NIPBL: variants seen among roughly 807,000 people sequenced by gnomAD.
The protein encoded by NIPBL is nipped-B-like protein.
NIPBL carries 19 observed loss-of-function variants against 321.8 expected under a neutral mutation model. The ratio of observed to expected loss-of-function variants is 0.06; its 90% CI spans 0.04 to 0.09. The LOEUF (loss-of-function observed/expected upper bound fraction) is 0.09, where lower values mean the gene tolerates loss of function less well. Among genes scored for constraint, NIPBL ranks in the 10% least tolerant of loss-of-function variants. The probability of loss-of-function intolerance (pLI) is 1.00; values close to 1 mark genes in which losing one functional copy is unlikely to be tolerated. For synonymous variants in NIPBL, 1,106 were observed against 1,114.1 expected (o/e 0.99, Z 0.14); for missense variants, 2,210 against 3,327.0 (o/e 0.66, Z 8.26).
chr5:36,959,220 AAAAT>A (rs796758703), intron 4 of NIPBL, among the ~76,000 whole-genome samples: 1 of 152,212 alleles, frequency 6.6e-6, no homozygotes, highest in African/African-American at 2.4e-5. Context: ...ACAAAAAGAA[AAAAT>A]AAATAAAATA....
Position 37,016,530 on chromosome 5 carries a change from G to A in NIPBL, c.4776+360G>A, listed in dbSNP as rs575742668. 2.6e-5 allele frequency among the ~76,000 whole-genome samples: 4 copies of A among 152,066 alleles called. No individual in the cohort carries two copies. In the South Asian group the frequency reaches 8.3e-4, roughly 32 times the overall value. ...CATCTTTAAGAGTATTTCTACAAAT[G>A]TATGGCATTTTGTAGTCGTCATGTA... On this transcript the variant is annotated intron_variant, in intron 23 of 46. Coordinates refer to ENST00000282516, the MANE Select transcript of NIPBL (RefSeq NM_133433.4).
chr5:36,994,851 T>C (rs1227032395), intron 10 of NIPBL, among the ~76,000 whole-genome samples: 2 of 146,066 alleles, frequency 1.4e-5, no homozygotes, highest in African/African-American at 2.7e-5. Flanking sequence ...ATGGCTCTTA[T>C]TGTCTTGTCT....
intron 45 of NIPBL, among the ~76,000 whole-genome samples, chr5:37,061,592 G>C (rs1288902619): frequency 6.6e-6 from 1 of 152,068 alleles, no homozygotes; most frequent in Non-Finnish European, 1.5e-5. Flanking sequence ...GGCAGGAGAA[G>C]TGCTTGAGCC....
In NIPBL at chr5:37,002,687, A is replaced by G; in HGVS notation, c.3690A>G (p.Glu1230=). 1 of 1,612,176 alleles carries G rather than the reference A, an allele frequency of 6.2e-7. No individual in the cohort carries two copies. Among genetic ancestry groups the G allele is most frequent in the Non-Finnish European group, 8.5e-7 (1 of 1,178,536 alleles). The change falls in exon 15 of 47, where the codon GAA becomes GAG. Residue 1230 remains glutamate, a synonymous_variant. Transcript: ENST00000282516. ...GTGATGATGATGAAATTCCTCAGGAACTGCTCTTAGGAAAACATCAGCTTA... is the reference window on the plus strand; with the variant it reads ...GTGATGATGATGAAATTCCTCAGGAGCTGCTCTTAGGAAAACATCAGCTTA... ...AFGDDDEIPQ[E]LLLGKHQLNE...
intron 2 of NIPBL, chr5:36,954,943 A>G (rs1740775592): frequency 6.5e-6 from 1 of 154,060 alleles, no homozygotes; most frequent in African/African-American, 2.4e-5. Flanking sequence ...ACAACTAGGA[A>G]TTTGGAATTT....
At chr5:36,933,678 A>C (rs918091962) in intron 1 of NIPBL, among the ~76,000 whole-genome samples, 1 of 152,136 alleles carries the variant, frequency 6.6e-6, no homozygotes, top group African/African-American at 2.4e-5. Context: ...TTCAGACACC[A>C]GTAGTGAAAA....
intron 10 of NIPBL, among the ~76,000 whole-genome samples, chr5:36,994,021 A>G (rs1269095480): frequency 2.0e-5 from 3 of 152,206 alleles, no homozygotes; most frequent in Non-Finnish European, 4.4e-5. Context: ...AGAGATATTC[A>G]AAGACTTTAT....
rs1750057184 is a variant in NIPBL, at chr5:37,024,725, G to A, written c.5709+6G>A. 1 of 1,605,598 alleles carries A rather than the reference G, an allele frequency of 6.2e-7. No individual in the cohort carries two copies. The highest frequency in any genetic ancestry group is 1.1e-5 in the South Asian group (1 of 89,630). On this transcript the variant is annotated splice_donor_region_variant and intron_variant, in intron 30 of 46. Coordinates refer to ENST00000282516, the MANE Select transcript of NIPBL (RefSeq NM_133433.4). ...ATGATGAAGAGGGCATTAAGGTAGT[G>A]TTGACTGTTTTAAATTTATTTTTCA...
chr5:36,930,131 A>G (rs1249729757), intron 1 of NIPBL, among the ~76,000 whole-genome samples: 1 of 152,084 alleles, frequency 6.6e-6, no homozygotes, highest in Non-Finnish European at 1.5e-5. Context: ...GGATTTTGAA[A>G]AAGATTATGT....
intron 1 of NIPBL, among the ~76,000 whole-genome samples, chr5:36,927,640 C>G (rs1471035917): frequency 3.9e-5 from 6 of 152,068 alleles, no homozygotes; most frequent in Non-Finnish European, 7.4e-5. Flanking sequence ...AATGAGTTGT[C>G]TTTAATCAAA....
chr5:37,002,473 C>G (rs1034966675), intron 14 of NIPBL, among the ~76,000 whole-genome samples, 189 bp from the exon 15 acceptor site: 2 of 152,172 alleles, frequency 1.3e-5, no homozygotes, highest in African/African-American at 4.8e-5. Flanking sequence ...CTTCCCATTT[C>G]AGTCATAAAT....
intron 8 of NIPBL, among the ~76,000 whole-genome samples, chr5:36,973,561 G>A (rs1041295790): frequency 3.3e-5 from 5 of 151,862 alleles, no homozygotes; most frequent in African/African-American, 4.8e-5. Context: ...TCCACCTCCC[G>A]GGTTCAAACG....
intron 1 of NIPBL, among the ~76,000 whole-genome samples, chr5:36,941,582 G>A (rs1739069616): frequency 6.6e-6 from 1 of 150,882 alleles, no homozygotes; most frequent in African/African-American, 2.4e-5. Context: ...GTTTGTTCAG[G>A]TGTTTTTGCT....
chr5:36,951,834 A>C (rs1334908394), intron 1 of NIPBL, among the ~76,000 whole-genome samples: 2 of 152,116 alleles, frequency 1.3e-5, no homozygotes, highest in Non-Finnish European at 1.5e-5. Context: ...CACCAAAGGA[A>C]AGTAATGTTT....
intron 1 of NIPBL, among the ~76,000 whole-genome samples, chr5:36,919,254 G>A (rs948197814): frequency 6.6e-5 from 10 of 152,088 alleles, no homozygotes; most frequent in Middle Eastern, 3.2e-3. Flanking sequence ...CTACCAAAAG[G>A]TAAAGTAGGA....
chr5:36,998,125 G>C (rs1561134715), intron 11 of NIPBL, among the ~76,000 whole-genome samples: 1 of 152,048 alleles, frequency 6.6e-6, no homozygotes, highest in Non-Finnish European at 1.5e-5. Flanking sequence ...AGAGAAGATA[G>C]AGAACACCCA....
At position 37,016,954 on chromosome 5, in the gene NIPBL, G is replaced by A. The variant is rs1196158437; in HGVS notation, c.4777-65G>A. 3 of 1,083,832 alleles carry A rather than the reference G, an allele frequency of 2.8e-6. No homozygotes were observed. The African/African-American group carries it at 4.8e-5, about 17-fold the overall frequency. 67.1% of individuals were successfully genotyped at this position (1,083,832 alleles called of 1,614,324 possible). A position where few individuals can be genotyped will look rare whatever the true frequency, so the allele number is the denominator to read the frequency against. On this transcript the variant is annotated intron_variant, in intron 23 of 46. Transcript: ENST00000282516. ...TACAATTTAGATTGGGAATTTATAT[G>A]ATAAATTGCTATTTAAAATATATTG...
chr5:36,985,739 A>G lies in NIPBL; in HGVS notation c.2559A>G (p.Glu853=). The part of the protein sequence containing the change: ...PETLRSSSRN[E]HGIKSDSSKT... ...CATTGAGATCCTCTAGTAGAAATGA[A>G]CATGGCATTAAATCTGATAGTTCAA... Residue 853 remains glutamate, a synonymous_variant, in exon 10 of 47, where the codon GAA becomes GAG. Transcript: ENST00000282516. The G allele has an allele frequency of 1.2e-6, 2 of 1,613,916 alleles. No homozygotes were observed. Among genetic ancestry groups the G allele is most frequent in the Non-Finnish European group, 1.7e-6 (2 of 1,179,970 alleles).
intron 1 of NIPBL, among the ~76,000 whole-genome samples, chr5:36,948,757 A>G (rs1048860406): frequency 3.9e-5 from 6 of 152,008 alleles, no homozygotes; most frequent in East Asian, 3.9e-4. Flanking sequence ...TTTCTGCTCA[A>G]TAGTTCAGAT....
Sources: allele counts gnomAD v4.1 joint callset (sites outside exome capture counted in the v4.1 genomes callset), GRCh38; gene constraint gnomAD v4.1.1; transcripts MANE v1.5; gene names NCBI Gene and HGNC (gene_info 2026-07-23, HGNC 2026-07-21).